The following CCDC39 variants were observed in gnomAD, a reference collection of about 807,000 sequenced individuals.
CCDC39 encodes coiled-coil domain-containing protein 39.
In CCDC39, 113 loss-of-function variants were observed where a neutral mutation model predicts 121.0. That is an observed-to-expected ratio of 0.93 (90% CI 0.80 to 1.09). The LOEUF (loss-of-function observed/expected upper bound fraction) is 1.09, where lower values mean the gene tolerates loss of function less well. CCDC39 is among the 50% of genes least tolerant of loss of function. The probability of loss-of-function intolerance (pLI) is 0.00; values close to 1 mark genes in which losing one functional copy is unlikely to be tolerated. For missense variants in CCDC39, 1,063 were observed against 1,074.7 expected (o/e 0.99, Z 0.15); for synonymous variants, 349 against 352.2 (o/e 0.99, Z 0.10).
chr3:180,652,001 C>A (rs977169813), intron 8 of CCDC39, among the ~76,000 whole-genome samples, 162 bp downstream of exon 8: 7 of 151,270 alleles, frequency 4.6e-5, no homozygotes, highest in Non-Finnish European at 1.0e-4. Flanking sequence ...CACGCCACTG[C>A]ACTCCAGCCT....
intron 14 of CCDC39, 69 bp downstream of exon 14, chr3:180,631,398 CAG>C (rs1166645293): frequency 2.2e-6 from 3 of 1,348,930 alleles, no homozygotes; most frequent in Middle Eastern, 1.9e-4. Context: ...TATTTAAATT[CAG>C]AGGATTATGA....
In CCDC39 at chr3:180,679,456, G is replaced by A. The variant is rs1434283577; in HGVS notation, c.-76C>T. 4 of 1,383,174 alleles carry A rather than the reference G, an allele frequency of 2.9e-6. No individual in the cohort carries two copies. In the East Asian group the frequency reaches 6.8e-5, roughly 24 times the overall value. The allele number at this position is 1,383,174 out of a possible 1,614,324, so 85.7% of individuals were successfully genotyped here. A position where few individuals can be genotyped will look rare whatever the true frequency, so the allele number is the denominator to read the frequency against. On this transcript the variant is annotated 5_prime_UTR_variant, in exon 1 of 20. Transcript: ENST00000476379. The surrounding 1 kb of genome is among the most constrained non-coding windows in gnomAD (Gnocchi z 4.0). ...AGCGGGTGAGCAGCACCCGCGTCAA[G>A]CCCAGGCACCTGCACAGTGCCGCGG... is the stretch of plus-strand genomic sequence containing the variant.
chr3:180,616,739 A>G (rs1292341600), intron 17 of CCDC39, 44 bp from the exon 18 acceptor site: 3 of 1,572,954 alleles, frequency 1.9e-6, no homozygotes, highest in Admixed American at 1.8e-5. Flanking sequence ...CGTGTTTACC[A>G]GAATTTAATA....
intron 6 of CCDC39, 25 bp from the exon 7 acceptor site, chr3:180,654,978 C>A: frequency 1.5e-6 from 2 of 1,377,162 alleles, no homozygotes; most frequent in Non-Finnish European, 9.7e-7. Context: ...AATATGTTTA[C>A]TTAAATATAT....
intron 14 of CCDC39, among the ~76,000 whole-genome samples, chr3:180,629,021 A>C (rs1366215211): frequency 6.6e-6 from 1 of 152,236 alleles, no homozygotes; most frequent in African/African-American, 2.4e-5. Context: ...ACATTGAAAA[A>C]ACAAAACTTA....
At chr3:180,670,323 G>C (rs1372238872) in intron 1 of CCDC39, among the ~76,000 whole-genome samples, 1 of 152,092 alleles carries the variant, frequency 6.6e-6, no homozygotes, top group Non-Finnish European at 1.5e-5. Flanking sequence ...GTGTGTGTGT[G>C]TGTGTGTGTG....
intron 14 of CCDC39, among the ~76,000 whole-genome samples, chr3:180,622,169 G>C (rs796679336): frequency 6.6e-6 from 1 of 151,818 alleles, no homozygotes; most frequent in Non-Finnish European, 1.5e-5. Flanking sequence ...TACTGTTTTT[G>C]TATCTGTTAT....
chr3:180,674,841 C>T lies in CCDC39; in HGVS notation c.90+4450G>A, dbSNP rs921280752. On this transcript the variant is annotated intron_variant, in intron 1 of 19. Coordinates refer to ENST00000476379, the MANE Select transcript of CCDC39 (RefSeq NM_181426.2). ...CCAGGGATGAAGCCCACTTGATCAT[C>T]GTGGATAAGCTTTTCGATATGCTGC... Among the ~76,000 whole-genome samples the T allele has an allele frequency of 3.3e-5, 5 of 152,124 alleles. No homozygotes were observed. In the East Asian group the frequency reaches 5.8e-4, roughly 18 times the overall value.
chr3:180,643,991 C>G, intron 12 of CCDC39, 129 bp downstream of exon 12: 2 of 647,376 alleles, frequency 3.1e-6, no homozygotes, highest in Non-Finnish European at 4.7e-6. Context: ...GACTTTAACA[C>G]TGTTTATATT....
In CCDC39 at chr3:180,642,109, T is replaced by G. The variant is rs775984168; in HGVS notation, c.1758A>C (p.Glu586Asp). 2 of 1,613,110 alleles carry G rather than the reference T, an allele frequency of 1.2e-6. No individual in the cohort carries two copies. Among genetic ancestry groups the G allele is most frequent in the Non-Finnish European group, 1.7e-6 (2 of 1,179,336 alleles). Residue 586 changes from glutamate (E) to aspartate (D), a missense_variant, in exon 13 of 20, where the codon GAA becomes GAC. By Grantham distance (45) the Glu-to-Asp change is conservative (BLOSUM62 2). Coordinates refer to ENST00000476379, the MANE Select transcript of CCDC39 (RefSeq NM_181426.2). ...CTGTGTATAATTGCTGTTTTCTTTTTTCTAGGGAAAGAACTTCTTCTGCCT... is the reference window on the plus strand; with the variant it reads ...CTGTGTATAATTGCTGTTTTCTTTTGTCTAGGGAAAGAACTTCTTCTGCCT... ...HSKAEEVLSLEKRKQQLYTAM... is the reference protein window; with the variant it reads ...HSKAEEVLSLDKRKQQLYTAM...
chr3:180,668,225 A>T (rs1189151661), intron 1 of CCDC39, among the ~76,000 whole-genome samples: 1 of 152,168 alleles, frequency 6.6e-6, no homozygotes, highest in Non-Finnish European at 1.5e-5. Context: ...AAAAATAAAA[A>T]AAAATTAGCC....
intron 1 of CCDC39, among the ~76,000 whole-genome samples, chr3:180,672,330 A>T (rs1712072301): frequency 1.3e-5 from 2 of 152,226 alleles, no homozygotes; most frequent in Non-Finnish European, 2.9e-5. Context: ...GTGGTGGCTC[A>T]CACCTGTAAT....
At chr3:180,675,830 A>G (rs1712183563) in intron 1 of CCDC39, among the ~76,000 whole-genome samples, 1 of 152,096 alleles carries the variant, frequency 6.6e-6, no homozygotes, top group Non-Finnish European at 1.5e-5. Flanking sequence ...GAGCCCTCAG[A>G]AATAATACCA....
intron 2 of CCDC39, 114 bp downstream of exon 2, chr3:180,663,753 T>A (rs1369750562): frequency 1.0e-6 from 1 of 976,086 alleles, no homozygotes; most frequent in African/African-American, 1.7e-5. Flanking sequence ...ATGTTCACAA[T>A]AGTTTAATTA....
chr3:180,617,512 T>G lies in CCDC39; in HGVS notation c.2266-546A>C, dbSNP rs1181522108. The G allele has an allele frequency of 6.0e-6, 4 of 664,892 alleles. No individual in the cohort carries two copies. In the South Asian group the frequency reaches 6.9e-5, roughly 11 times the overall value. 41.2% of individuals were successfully genotyped at this position (664,892 alleles called of 1,614,324 possible). ...GTTACTGACCCTGAAGACCTTCAAGTGGGACAAGATATGGAGGTGGAAGAC... is the reference window on the plus strand; with the variant it reads ...GTTACTGACCCTGAAGACCTTCAAGGGGGACAAGATATGGAGGTGGAAGAC... On this transcript the variant is annotated intron_variant, in intron 16 of 19. Coordinates refer to ENST00000476379, the MANE Select transcript of CCDC39 (RefSeq NM_181426.2).
intron 1 of CCDC39, among the ~76,000 whole-genome samples, chr3:180,676,147 A>T (rs1286261754): frequency 1.3e-5 from 2 of 152,218 alleles, no homozygotes; most frequent in Admixed American, 1.3e-4. Context: ...GACAAATGGG[A>T]TCTCATTAAA....
At chr3:180,665,306 A>G (rs1711846370) in intron 1 of CCDC39, among the ~76,000 whole-genome samples, 1 of 152,216 alleles carries the variant, frequency 6.6e-6, no homozygotes, top group African/African-American at 2.4e-5. Context: ...ACAGATTCTC[A>G]GGATTATTAG....
chr3:180,650,266 C>T (rs2108423089), intron 9 of CCDC39, among the ~76,000 whole-genome samples: 1 of 152,146 alleles, frequency 6.6e-6, no homozygotes, highest in South Asian at 2.1e-4. Flanking sequence ...GAAGAAGGTG[C>T]CAGTAGAATT....
At chr3:180,656,384 C>T (rs1240972081) in intron 6 of CCDC39, among the ~76,000 whole-genome samples, 2 of 152,110 alleles carry the variant, frequency 1.3e-5, no homozygotes, top group Admixed American at 6.5e-5. Flanking sequence ...CACTTCTACA[C>T]GTTGTTTCTT....
Sources: allele counts gnomAD v4.1 joint callset (sites outside exome capture counted in the v4.1 genomes callset), GRCh38; gene constraint gnomAD v4.1.1; non-coding constraint Gnocchi (gnomAD v3.1); transcripts MANE v1.5; gene names NCBI Gene and HGNC (gene_info 2026-07-23, HGNC 2026-07-21).